The following RIGI variants were observed in gnomAD, a reference collection of about 807,000 sequenced individuals.
RIGI encodes RNA sensor RIG-I.
At chr9:32,492,285 T>C in the RIGI span, 1 of 1,239,666 alleles carries the variant, frequency 8.1e-7, no homozygotes, top group Admixed American at 2.3e-5. Context: ...GCGTTAGAGA[T>C]GTAGCTCTGG....
the RIGI span, chr9:32,485,630 T>A: frequency 2.5e-6 from 1 of 401,308 alleles, no homozygotes; most frequent in Non-Finnish European, 4.8e-6. Flanking sequence ...AACCTCCGTC[T>A]CCCAGGTTCA....
the RIGI span, among the ~76,000 whole-genome samples, chr9:32,462,518 C>T: frequency 6.7e-6 from 1 of 149,238 alleles, no homozygotes; most frequent in Non-Finnish European, 1.5e-5. Flanking sequence ...AAATGATTCT[C>T]CTGCCTCAGC....
At chr9:32,510,130 G>A in the RIGI span, among the ~76,000 whole-genome samples, 1 of 152,184 alleles carries the variant, frequency 6.6e-6, no homozygotes, top group Non-Finnish European at 1.5e-5. Flanking sequence ...ACCCGAAAGT[G>A]ACGGGGAGAA....
chr9:32,515,325 A>T, the RIGI span, among the ~76,000 whole-genome samples: 1 of 103,306 alleles, frequency 9.7e-6, no homozygotes, highest in African/African-American at 3.1e-5. Context: ...CTCAAAAAAA[A>T]AAAAAAAAAG....
the RIGI span, among the ~76,000 whole-genome samples, chr9:32,468,694 T>C: frequency 6.6e-6 from 1 of 151,700 alleles, no homozygotes; most frequent in Non-Finnish European, 1.5e-5. Flanking sequence ...AATGAGGGGC[T>C]TGAGGTTCCA....
At chr9:32,524,774 G>C in the RIGI span, among the ~76,000 whole-genome samples, 1 of 151,490 alleles carries the variant, frequency 6.6e-6, no homozygotes, top group African/African-American at 2.4e-5. Context: ...GGCTAATTTT[G>C]TATTTTTCGG....
chr9:32,481,393 C>G, the RIGI span: 3 of 1,613,614 alleles, frequency 1.9e-6, no homozygotes, highest in Non-Finnish European at 2.5e-6. Flanking sequence ...CTCTCTTCAT[C>G]TTTGTCTGGC....
the RIGI span, among the ~76,000 whole-genome samples, chr9:32,478,833 G>A: frequency 6.6e-6 from 1 of 151,744 alleles, no homozygotes; most frequent in Non-Finnish European, 1.5e-5. Flanking sequence ...GTGCCATGGT[G>A]ACAAGTGTGA....
chr9:32,521,836 T>C, the RIGI span, among the ~76,000 whole-genome samples: 1 of 152,156 alleles, frequency 6.6e-6, no homozygotes. Flanking sequence ...GTTAAATTGT[T>C]GTATGCCAAC....
At chr9:32,462,224 C>T in the RIGI span, among the ~76,000 whole-genome samples, 1 of 152,094 alleles carries the variant, frequency 6.6e-6, no homozygotes, top group Non-Finnish European at 1.5e-5. Flanking sequence ...AAAGCATTTG[C>T]AGGGACTGTT....
chr9:32,502,941 A>G, the RIGI span, among the ~76,000 whole-genome samples: 1 of 152,230 alleles, frequency 6.6e-6, no homozygotes, highest in East Asian at 1.9e-4. Context: ...TTACCTCTGT[A>G]AAGAAACAGT....
the RIGI span, among the ~76,000 whole-genome samples, chr9:32,481,689 G>T: frequency 7.2e-5 from 11 of 151,862 alleles, no homozygotes; most frequent in African/African-American, 2.7e-4. Flanking sequence ...GGATTCAAGC[G>T]ATTCTCCTGC....
At chr9:32,466,442 C>G in the RIGI span, 18 of 1,593,164 alleles carry the variant, frequency 1.1e-5, no homozygotes, top group South Asian at 2.1e-4. Context: ...CTTCCTCTGC[C>G]TATTAGAAAA....
At chr9:32,513,453 C>T in the RIGI span, among the ~76,000 whole-genome samples, 1 of 152,058 alleles carries the variant, frequency 6.6e-6, no homozygotes, top group Non-Finnish European at 1.5e-5. Context: ...TCTTTGACAA[C>T]CCTGACAAAA....
At chr9:32,514,088 A>G in the RIGI span, among the ~76,000 whole-genome samples, 6 of 152,200 alleles carry the variant, frequency 3.9e-5, no homozygotes, top group Non-Finnish European at 7.3e-5. Context: ...GATGCTGGAG[A>G]GGATGTGGAG....
chr9:32,515,139 C>T, the RIGI span, among the ~76,000 whole-genome samples: 4 of 152,014 alleles, frequency 2.6e-5, no homozygotes, highest in African/African-American at 9.7e-5. Context: ...TGGTGGCTCA[C>T]GCCTGTAATC....
chr9:32,471,295 A>G, the RIGI span, among the ~76,000 whole-genome samples: 1 of 152,180 alleles, frequency 6.6e-6, no homozygotes, highest in Non-Finnish European at 1.5e-5. Flanking sequence ...TTTTCCTAAT[A>G]TATTTCCAGC....
the RIGI span, among the ~76,000 whole-genome samples, chr9:32,489,826 T>G: frequency 6.6e-6 from 1 of 152,244 alleles, no homozygotes; most frequent in Non-Finnish European, 1.5e-5. Flanking sequence ...AACCAAACTG[T>G]TAACATTGGA....
chr9:32,462,860 AAAAC>A, the RIGI span, among the ~76,000 whole-genome samples: 3 of 152,228 alleles, frequency 2.0e-5, no homozygotes, highest in African/African-American at 4.8e-5. Context: ...TTGATTTAAA[AAAAC>A]AAATATACTG....
Sources: gnomAD v4.1 joint callset for allele counts (sites outside exome capture counted in the v4.1 genomes callset) on GRCh38, gnomAD v4.1.1 for gene constraint, MANE v1.5 for transcripts, NCBI Gene and HGNC (gene_info 2026-07-23, HGNC 2026-07-21) for gene names.